Variants in EYS observed in about 807,000 individuals in gnomAD.
EYS encodes the protein protein eyes shut homolog.
A neutral mutation model predicts 282.1 loss-of-function variants in EYS; 250 were observed. The ratio of observed to expected loss-of-function variants is 0.89; its 90% CI spans 0.80 to 0.98. The LOEUF is 0.98. Among genes scored for constraint, EYS ranks in the 50% least tolerant of loss-of-function variants. The pLI is 0.00. For missense variants in EYS, 4,016 were observed against 3,709.0 expected, an observed-to-expected ratio of 1.08 and a Z score of -2.15; for synonymous variants, 1,355 against 1,282.9, an observed-to-expected ratio of 1.06 and a Z score of -1.20.
chr6:63,986,884 G>A (rs1329283614), intron 34 of EYS, among the ~76,000 whole-genome samples: 9 of 151,484 alleles, frequency 5.9e-5, no homozygotes, highest in Admixed American at 5.9e-4. Context: ...TCATGACATG[G>A]TGTACCCATG....
intron 13 of EYS, among the ~76,000 whole-genome samples, chr6:65,038,994 G>A (rs1772851061): frequency 6.6e-6 from 1 of 151,416 alleles, no homozygotes; most frequent in Non-Finnish European, 1.5e-5. Context: ...TTTCTAAATA[G>A]TATCATTGGT....
At chr6:64,560,243 A>G (rs899502787) in intron 26 of EYS, among the ~76,000 whole-genome samples, 3 of 151,780 alleles carry the variant, frequency 2.0e-5, no homozygotes, top group Non-Finnish European at 4.4e-5. Flanking sequence ...ACTAATCCTT[A>G]TGATGTGTAG....
chr6:65,626,265 T>C (rs1278865503), intron 2 of EYS, among the ~76,000 whole-genome samples: 1 of 152,218 alleles, frequency 6.6e-6, no homozygotes, highest in Non-Finnish European at 1.5e-5. Flanking sequence ...AGTCACACAG[T>C]TCATCAAATT....
chr6:64,960,652 T>C (rs1340503616), intron 14 of EYS, among the ~76,000 whole-genome samples: 1 of 152,242 alleles, frequency 6.6e-6, no homozygotes, highest in Non-Finnish European at 1.5e-5. Flanking sequence ...TTCCTTCTTT[T>C]TAACTTTTAT....
chr6:63,726,931 G>A (rs1382110088), intron 41 of EYS, among the ~76,000 whole-genome samples: 1 of 152,008 alleles, frequency 6.6e-6, no homozygotes, highest in Non-Finnish European at 1.5e-5. Flanking sequence ...CTTTTTGGCC[G>A]ATACTATCTG....
chr6:64,320,561 T>C (rs542718101), intron 29 of EYS, among the ~76,000 whole-genome samples: 1 of 152,018 alleles, frequency 6.6e-6, no homozygotes, highest in Admixed American at 6.6e-5. Flanking sequence ...ACTAGATTCT[T>C]ATTTTTTAGT....
intron 7 of EYS, among the ~76,000 whole-genome samples, chr6:65,397,432 C>T (rs1188567205): frequency 6.6e-6 from 1 of 151,890 alleles, no homozygotes. Flanking sequence ...TCAATGTGTA[C>T]CCATTGTCTA....
intron 12 of EYS, among the ~76,000 whole-genome samples, chr6:65,286,710 C>G (rs1334186018): frequency 6.6e-6 from 1 of 151,580 alleles, no homozygotes. Flanking sequence ...AAAATAAAGT[C>G]TCAGTGATAT....
At chr6:64,857,658 T>A (rs1000397775) in intron 19 of EYS, among the ~76,000 whole-genome samples, 5 of 152,168 alleles carry the variant, frequency 3.3e-5, no homozygotes, top group African/African-American at 9.7e-5. Context: ...GCATTTCTAT[T>A]TTTAGTTTTT....
chr6:64,367,925 C>T (rs558984509), intron 29 of EYS, among the ~76,000 whole-genome samples: 1 of 152,178 alleles, frequency 6.6e-6, no homozygotes, highest in African/African-American at 2.4e-5. Context: ...ACACAAGGAG[C>T]CTGACATCTT....
chr6:65,490,711 T>G lies in EYS; in HGVS notation c.749-4A>C, dbSNP rs755100802. 6 of 1,602,968 alleles carry G rather than the reference T, an allele frequency of 3.7e-6. No homozygotes were observed. The highest frequency in any genetic ancestry group is 5.1e-6 in the Non-Finnish European group (6 of 1,170,670). On this transcript the variant is annotated splice_polypyrimidine_tract_variant and splice_region_variant and intron_variant, in intron 4 of 42. Transcript: ENST00000503581. Reference sequence around the variant, plus strand: ...ATTATTTCTGAGCAATTCTTTCCTATAACAATGAAAAAAAGTTTTTTTTAC... The same window carrying G: ...ATTATTTCTGAGCAATTCTTTCCTAGAACAATGAAAAAAAGTTTTTTTTAC...
chr6:63,805,507 G>C (rs1770881922), intron 37 of EYS, among the ~76,000 whole-genome samples: 1 of 152,128 alleles, frequency 6.6e-6, no homozygotes, highest in Non-Finnish European at 1.5e-5. Context: ...CAGAGGAAAG[G>C]ACAAATCAAT....
At chr6:64,427,404 G>A (rs1774444635) in intron 28 of EYS, among the ~76,000 whole-genome samples, 1 of 152,144 alleles carries the variant, frequency 6.6e-6, no homozygotes, top group African/African-American at 2.4e-5. Context: ...TATACAGACT[G>A]CATTATTCCA....
chr6:64,331,044 TG>T (rs1319406743), intron 29 of EYS, among the ~76,000 whole-genome samples: 2 of 152,160 alleles, frequency 1.3e-5, no homozygotes, highest in Non-Finnish European at 2.9e-5. Flanking sequence ...AGGTGTCAGA[TG>T]GGCTGGATAT....
chr6:64,590,083 T>TAAA, intron 26 of EYS, 140 bp downstream of exon 26: 1 of 667,126 alleles, frequency 1.5e-6, no homozygotes, highest in Admixed American at 3.0e-5. Context: ...CAACAGCAGG[T>TAAA]GCCTTCTCAA....
intron 4 of EYS, among the ~76,000 whole-genome samples, chr6:65,493,157 C>G (rs540556451): frequency 6.6e-6 from 1 of 152,158 alleles, no homozygotes. Flanking sequence ...TCAGGTGATC[C>G]GCCTGCCTCG....
chr6:64,445,456 G>T (rs1057160888), intron 26 of EYS, among the ~76,000 whole-genome samples: 1 of 152,230 alleles, frequency 6.6e-6, no homozygotes, highest in Non-Finnish European at 1.5e-5. Flanking sequence ...TTCATATTAT[G>T]ATTATACCTA....
rs116746547 is a variant in EYS at position 65,196,869 on chromosome 6, T to C, written c.2023+98994A>G. Among the ~76,000 whole-genome samples, 1,187 of 152,156 alleles carry C rather than the reference T, an allele frequency of 7.8e-3. 16 individuals carry two copies. Among genetic ancestry groups the C allele is most frequent in the African/African-American group, 0.027 (1,115 of 41,540 alleles). ...TTAAGAGGGAGTGGTAGGGAATTTA[T>C]AGGTGTGCTGGAGGATAGCAGAGGC... On this transcript the variant is annotated intron_variant, in intron 12 of 42. Coordinates refer to ENST00000503581, the MANE Select transcript of EYS (RefSeq NM_001142800.2).
intron 35 of EYS, among the ~76,000 whole-genome samples, chr6:63,934,936 C>CA (rs1020051020): frequency 5.9e-5 from 9 of 151,876 alleles, no homozygotes; most frequent in East Asian, 1.9e-4. Flanking sequence ...ATAACAACAA[C>CA]AAAAAAAACT....
Sources: gnomAD v4.1 joint callset for allele counts (sites outside exome capture counted in the v4.1 genomes callset) on GRCh38, gnomAD v4.1.1 for gene constraint, MANE v1.5 for transcripts, NCBI Gene and HGNC (gene_info 2026-07-23, HGNC 2026-07-21) for gene names.